The following OSBPL6 variants were observed in gnomAD, a reference collection of about 807,000 sequenced individuals.
OSBPL6 encodes the protein oxysterol-binding protein-related protein 6.
Under a neutral mutation model 125.8 loss-of-function variants are expected in OSBPL6, and 49 were observed. That is an observed-to-expected ratio of 0.39 (90% CI 0.31 to 0.49). OSBPL6 has a LOEUF of 0.49. Ranked by LOEUF, OSBPL6 falls within the 20% of genes least tolerant of loss-of-function variation. OSBPL6 has a pLI of 0.88. For missense variants in OSBPL6, 986 were observed against 1,135.4 expected (o/e 0.87, Z 1.89); for synonymous variants, 394 against 391.8 (o/e 1.01, Z -0.07).
intron 3 of OSBPL6, among the ~76,000 whole-genome samples, chr2:178,306,738 A>G (rs1460045923): frequency 6.6e-6 from 1 of 152,236 alleles, no homozygotes; most frequent in Admixed American, 6.5e-5. Flanking sequence ...TTACAGATAA[A>G]ATTGTAATAC....
chr2:178,218,634 T>TC (rs2090192846), intron 1 of OSBPL6, among the ~76,000 whole-genome samples: 1 of 28,770 alleles, frequency 3.5e-5, no homozygotes, highest in Non-Finnish European at 6.1e-5. Flanking sequence ...TCTTTCTTTC[T>TC]TTTTTTTTTT....
Position 178,395,772 on chromosome 2 carries a change from T to TAAAAAAAAAAAA in OSBPL6, c.*230_*241dup, listed in dbSNP as rs746653123. On this transcript the variant is annotated 3_prime_UTR_variant, in exon 25 of 25. Coordinates refer to ENST00000190611, the MANE Select transcript of OSBPL6 (RefSeq NM_032523.4). The stretch of plus-strand genomic sequence containing the variant: ...TCTGTTTTGCTGCAACCATATTCCT[T>TAAAAAAAAAAAA]AAAAAAAAAAAAAAAAAAAAAAAAA... 1.2e-5 allele frequency: 3 copies of TAAAAAAAAAAAA among 243,376 alleles called. No homozygotes were observed. The highest frequency in any genetic ancestry group is 7.7e-6 in the Non-Finnish European group (1 of 130,320). The allele number at this position is 243,376 out of a possible 1,614,324, so 15.1% of individuals were successfully genotyped here. A position where few individuals can be genotyped will look rare whatever the true frequency, so the allele number is the denominator to read the frequency against.
At chr2:178,238,555 G>T (rs148311844) in intron 1 of OSBPL6, among the ~76,000 whole-genome samples, 196 of 152,318 alleles carry the variant, frequency 1.3e-3, no homozygotes, top group Middle Eastern at 3.4e-3. Flanking sequence ...AGCTGAGGTT[G>T]CTGAGAGCTG....
intron 1 of OSBPL6, chr2:178,230,329 G>A (rs1295454510): frequency 3.9e-5 from 6 of 152,192 alleles, no homozygotes; most frequent in Non-Finnish European, 1.5e-5. Context: ...AAAACAGAAT[G>A]GATACTGAAG....
At chr2:178,283,151 A>G (rs867370614) in intron 1 of OSBPL6, among the ~76,000 whole-genome samples, 2 of 152,356 alleles carry the variant, frequency 1.3e-5, no homozygotes, top group South Asian at 4.1e-4. Context: ...AGGACTTACA[A>G]GGTACACGGA....
At chr2:178,348,251 G>A (rs10497514) in intron 11 of OSBPL6, among the ~76,000 whole-genome samples, 36,603 of 152,104 alleles carry the variant, frequency 0.24, 4,628 homozygotes, top group Admixed American at 0.38. Flanking sequence ...GAATTATCCT[G>A]TCAGTTACAC....
At chr2:178,247,714 T>C (rs558060584) in intron 1 of OSBPL6, among the ~76,000 whole-genome samples, 65 of 152,270 alleles carry the variant, frequency 4.3e-4, no homozygotes, top group Middle Eastern at 6.8e-3. Context: ...TCCTGAGAAC[T>C]GCAAGCTCTT....
chr2:178,282,010 C>T (rs1684240863), intron 1 of OSBPL6, among the ~76,000 whole-genome samples: 1 of 152,198 alleles, frequency 6.6e-6, no homozygotes, highest in Admixed American at 6.5e-5. Flanking sequence ...TCCCGGAGTA[C>T]ACACAGTCTG....
At chr2:178,361,422 T>C (rs1053505893) in intron 12 of OSBPL6, among the ~76,000 whole-genome samples, 3 of 152,242 alleles carry the variant, frequency 2.0e-5, no homozygotes, top group Admixed American at 1.3e-4. Context: ...CTTGATATTT[T>C]ACATGCTACT....
rs768579204 is a variant in OSBPL6, at chr2:178,306,205, C to T, written c.21C>T (p.Gly7=). 3.7e-6 allele frequency: 6 copies of T among 1,612,256 alleles called. No homozygotes were observed. The highest frequency in any genetic ancestry group is 1.3e-5 in the African/African-American group (1 of 74,842). ...CAGCGATGAGTTCAGATGAGAAGGG[C>T]ATTTCCCCTGCTCATAAAACATCCA... is the stretch of plus-strand genomic sequence containing the variant. MSSDEK[G]ISPAHKTSTP... The change falls in exon 3 of 25, where the codon GGC becomes GGT. Residue 7 remains glycine (G), a synonymous_variant. Coordinates refer to ENST00000190611, the MANE Select transcript of OSBPL6 (RefSeq NM_032523.4).
intron 2 of OSBPL6, among the ~76,000 whole-genome samples, chr2:178,294,393 C>T (rs1298332084): frequency 6.6e-6 from 1 of 152,156 alleles, no homozygotes; most frequent in East Asian, 1.9e-4. Context: ...AGACAGTCAT[C>T]ATCATTACCA....
At chr2:178,334,896 G>T (rs1689541798) in intron 8 of OSBPL6, among the ~76,000 whole-genome samples, 1 of 152,082 alleles carries the variant, frequency 6.6e-6, no homozygotes, top group African/African-American at 2.4e-5. Context: ...TAGGAATAGG[G>T]TGTTGGATTA....
At chr2:178,285,207 A>G (rs1402216668) in intron 2 of OSBPL6, 86 bp downstream of exon 2, 1 of 396,522 alleles carries the variant, frequency 2.5e-6, no homozygotes, top group Non-Finnish European at 4.4e-6. Flanking sequence ...GTGGGACACC[A>G]CAAAGTCACA....
chr2:178,296,448 T>C (rs1244928696), intron 2 of OSBPL6, among the ~76,000 whole-genome samples: 1 of 152,056 alleles, frequency 6.6e-6, no homozygotes, highest in Non-Finnish European at 1.5e-5. Flanking sequence ...CATGGGATAT[T>C]TTAGAGTAAA....
chr2:178,298,391 G>C (rs927254091), intron 2 of OSBPL6, among the ~76,000 whole-genome samples: 1 of 152,206 alleles, frequency 6.6e-6, no homozygotes, highest in African/African-American at 2.4e-5. Flanking sequence ...ATACCTAAAA[G>C]TGGAATTGTT....
At chr2:178,274,326 CTG>C (rs2092428344) in intron 1 of OSBPL6, among the ~76,000 whole-genome samples, 1 of 146,132 alleles carries the variant, frequency 6.8e-6, no homozygotes, top group South Asian at 2.1e-4. Context: ...TTTTTTTGCT[CTG>C]TGATTATCTC....
chr2:178,272,361 G>A (rs1213799133), intron 1 of OSBPL6, among the ~76,000 whole-genome samples: 1 of 152,124 alleles, frequency 6.6e-6, no homozygotes, highest in Non-Finnish European at 1.5e-5. Context: ...TTTGGTACTT[G>A]GATATTTAGT....
intron 3 of OSBPL6, among the ~76,000 whole-genome samples, chr2:178,317,374 T>C (rs1201023454): frequency 6.7e-6 from 1 of 148,606 alleles, no homozygotes; most frequent in African/African-American, 2.5e-5. Flanking sequence ...TTGTCTTCTT[T>C]CCTGCTTACA....
At chr2:178,297,982 G>C (rs1190394733) in intron 2 of OSBPL6, among the ~76,000 whole-genome samples, 1 of 152,106 alleles carries the variant, frequency 6.6e-6, no homozygotes, top group African/African-American at 2.4e-5. Flanking sequence ...ATCTTTCAAA[G>C]TGAAATTCTG....
Sources: allele counts gnomAD v4.1 joint callset (sites outside exome capture counted in the v4.1 genomes callset), GRCh38; gene constraint gnomAD v4.1.1; transcripts MANE v1.5; gene names NCBI Gene and HGNC (gene_info 2026-07-23, HGNC 2026-07-21).